The following AFG2A variants were observed in gnomAD, a reference collection of about 807,000 sequenced individuals.
AFG2A encodes the protein ATPase family gene 2 protein homolog A.
the AFG2A span, among the ~76,000 whole-genome samples, chr4:122,971,118 T>G: frequency 6.6e-6 from 1 of 152,172 alleles, no homozygotes; most frequent in Non-Finnish European, 1.5e-5. Flanking sequence ...TTAATTTTAA[T>G]AGTGTGGGCC....
the AFG2A span, chr4:123,317,095 G>A: frequency 6.6e-6 from 1 of 152,072 alleles, no homozygotes; most frequent in Admixed American, 6.6e-5. Flanking sequence ...AATGGTGGTG[G>A]GCGCCTGTAG....
At chr4:122,934,484 A>T in the AFG2A span, 1 of 1,614,240 alleles carries the variant, frequency 6.2e-7, no homozygotes, top group Non-Finnish European at 8.5e-7. Flanking sequence ...TCTGCCAGAG[A>T]AGGAAATGAG....
At chr4:123,194,091 C>G in the AFG2A span, among the ~76,000 whole-genome samples, 1 of 152,204 alleles carries the variant, frequency 6.6e-6, no homozygotes, top group Non-Finnish European at 1.5e-5. Flanking sequence ...AATTAATTCT[C>G]TGTACTTATT....
At chr4:123,224,855 C>T in the AFG2A span, among the ~76,000 whole-genome samples, 6 of 152,182 alleles carry the variant, frequency 3.9e-5, no homozygotes, top group Admixed American at 6.5e-5. Context: ...TATTTCTCCA[C>T]ATCCTCTCCA....
the AFG2A span, among the ~76,000 whole-genome samples, chr4:123,028,882 T>A: frequency 6.6e-6 from 1 of 152,214 alleles, no homozygotes; most frequent in Non-Finnish European, 1.5e-5. Context: ...ACATTTTATT[T>A]GTTCATTGCT....
chr4:123,310,300 G>A, the AFG2A span, among the ~76,000 whole-genome samples: 2 of 152,184 alleles, frequency 1.3e-5, no homozygotes, highest in Non-Finnish European at 2.9e-5. Context: ...ACATGACTTT[G>A]AAAACACTAT....
At chr4:123,313,789 G>T in the AFG2A span, 1 of 1,163,234 alleles carries the variant, frequency 8.6e-7, no homozygotes, top group Non-Finnish European at 1.2e-6. Flanking sequence ...GCATTTAGTT[G>T]TAGAAGGTAC....
At chr4:123,099,556 A>G in the AFG2A span, among the ~76,000 whole-genome samples, 1 of 151,660 alleles carries the variant, frequency 6.6e-6, no homozygotes, top group Non-Finnish European at 1.5e-5. Context: ...GATTGTTTAA[A>G]ATGTTTAACA....
the AFG2A span, among the ~76,000 whole-genome samples, chr4:122,983,751 G>A: frequency 2.0e-5 from 3 of 152,130 alleles, no homozygotes; most frequent in Non-Finnish European, 4.4e-5. Flanking sequence ...AATGTGTCAT[G>A]TGCACTTGAA....
At chr4:123,185,669 A>T in the AFG2A span, among the ~76,000 whole-genome samples, 1 of 152,194 alleles carries the variant, frequency 6.6e-6, no homozygotes, top group Non-Finnish European at 1.5e-5. Flanking sequence ...GGCATGATAG[A>T]TATGTTTTTT....
At chr4:123,182,153 A>G in the AFG2A span, among the ~76,000 whole-genome samples, 1 of 152,222 alleles carries the variant, frequency 6.6e-6, no homozygotes, top group Non-Finnish European at 1.5e-5. Flanking sequence ...AAACTAAGAT[A>G]CCGTTATAAA....
the AFG2A span, among the ~76,000 whole-genome samples, chr4:123,143,566 A>G: frequency 2.6e-5 from 4 of 152,044 alleles, no homozygotes; most frequent in African/African-American, 9.7e-5. Flanking sequence ...TAAGTACAGT[A>G]TTTGTGCTGA....
chr4:123,180,085 T>A, the AFG2A span, among the ~76,000 whole-genome samples: 53 of 151,894 alleles, frequency 3.5e-4, no homozygotes, highest in South Asian at 2.1e-3. Flanking sequence ...CTGGGCATGG[T>A]GGCAAGTGCC....
the AFG2A span, among the ~76,000 whole-genome samples, chr4:123,039,803 A>G: frequency 6.6e-6 from 1 of 151,982 alleles, no homozygotes; most frequent in Admixed American, 6.6e-5. Context: ...AGTGTTACAT[A>G]ACTTTTAAAC....
At chr4:123,318,550 A>G in the AFG2A span, 1 of 152,186 alleles carries the variant, frequency 6.6e-6, no homozygotes, top group Non-Finnish European at 1.5e-5. Context: ...GTCAGGTGTC[A>G]CTAATAACAG....
chr4:123,047,050 A>G, the AFG2A span, among the ~76,000 whole-genome samples: 2 of 152,290 alleles, frequency 1.3e-5, no homozygotes, highest in South Asian at 2.1e-4. Flanking sequence ...TAGTGCTACA[A>G]TAGACATAGG....
At chr4:123,241,589 A>T in the AFG2A span, among the ~76,000 whole-genome samples, 1 of 152,250 alleles carries the variant, frequency 6.6e-6, no homozygotes, top group Non-Finnish European at 1.5e-5. Flanking sequence ...ACAGCCGTTC[A>T]TGCTAAAAAC....
the AFG2A span, chr4:123,090,563 G>A: frequency 1.0e-2 from 16,054 of 1,612,808 alleles, 1,286 homozygotes; most frequent in African/African-American, 0.18. Context: ...TTTTTAAACC[G>A]TACTTTCAAA....
At chr4:123,178,985 A>G in the AFG2A span, among the ~76,000 whole-genome samples, 1 of 152,222 alleles carries the variant, frequency 6.6e-6, no homozygotes, top group East Asian at 1.9e-4. Flanking sequence ...AGCTTAAGAA[A>G]TAGAGCTAAT....
Sources: allele counts gnomAD v4.1 joint callset (sites outside exome capture counted in the v4.1 genomes callset), GRCh38; gene constraint gnomAD v4.1.1; transcripts MANE v1.5; gene names NCBI Gene and HGNC (gene_info 2026-07-23, HGNC 2026-07-21).